The following ECT2 variants were observed in gnomAD, a reference collection of about 807,000 sequenced individuals.
ECT2 encodes protein ECT2.
A neutral mutation model predicts 116.9 loss-of-function variants in ECT2; 61 were observed. The observed-to-expected ratio is 0.52, with a 90% CI of 0.42 to 0.65. The LOEUF (loss-of-function observed/expected upper bound fraction) is 0.65. Among genes scored for constraint, ECT2 ranks in the 30% least tolerant of loss-of-function variants. ECT2 has a pLI of 0.00. For missense variants in ECT2, 937 were observed against 1,078.7 expected, an observed-to-expected ratio of 0.87 and a Z score of 1.84; for synonymous variants, 358 against 346.4, an observed-to-expected ratio of 1.03 and a Z score of -0.37.
chr3:172,775,406 A>G (rs980377731), intron 14 of ECT2, among the ~76,000 whole-genome samples: 1 of 152,170 alleles, frequency 6.6e-6, no homozygotes, highest in African/African-American at 2.4e-5. Context: ...GTGTTTTATC[A>G]GTATTGCTGA....
At chr3:172,828,962 C>T in the ECT2 span, 3 of 1,357,078 alleles carry the variant, frequency 2.2e-6, no homozygotes, top group Non-Finnish European at 3.1e-6. Context: ...TGCCTCAGCA[C>T]CAATAAATTG....
intron 12 of ECT2, 49 bp from the exon 13 acceptor site, chr3:172,768,958 G>T: frequency 6.6e-7 from 1 of 1,509,258 alleles, no homozygotes; most frequent in Non-Finnish European, 8.9e-7. Context: ...ATAATGTTTG[G>T]TATTTATATT....
chr3:172,811,080 A>G (rs779737936), intron 22 of ECT2, among the ~76,000 whole-genome samples: 3 of 152,114 alleles, frequency 2.0e-5, no homozygotes, highest in Non-Finnish European at 4.4e-5. Flanking sequence ...TAAAAATAAA[A>G]ATGAGTTTTG....
chr3:172,786,238 CA>C (rs2108741439), intron 17 of ECT2, among the ~76,000 whole-genome samples: 1 of 152,162 alleles, frequency 6.6e-6, no homozygotes, highest in Non-Finnish European at 1.5e-5. Context: ...AGTCCCCAAG[CA>C]TTACTTGAAG....
At chr3:172,815,741 C>T (rs1432196023) in intron 23 of ECT2, 30 bp downstream of exon 23, 2 of 1,301,306 alleles carry the variant, frequency 1.5e-6, no homozygotes, top group Non-Finnish European at 2.2e-6. Flanking sequence ...TTATTTAGCA[C>T]ATCTCTAACA....
intron 18 of ECT2, among the ~76,000 whole-genome samples, chr3:172,790,773 C>T (rs926482734): frequency 9.8e-5 from 15 of 152,348 alleles, no homozygotes; most frequent in African/African-American, 2.9e-4. Flanking sequence ...TCCATCAGAG[C>T]TCTTGGATGA....
chr3:172,759,325 A>T (rs1028744195), intron 6 of ECT2, among the ~76,000 whole-genome samples: 4 of 152,162 alleles, frequency 2.6e-5, no homozygotes, highest in Non-Finnish European at 1.5e-5. Context: ...TCTTGTTACC[A>T]TATTGGCTAC....
intron 12 of ECT2, among the ~76,000 whole-genome samples, chr3:172,768,071 T>G (rs1180147645): frequency 1.3e-5 from 2 of 152,284 alleles, no homozygotes; most frequent in Non-Finnish European, 2.9e-5. Flanking sequence ...TGAAATACAC[T>G]GTTGCATCCT....
chr3:172,806,937 C>T (rs1449975321), intron 21 of ECT2, among the ~76,000 whole-genome samples: 1 of 152,006 alleles, frequency 6.6e-6, no homozygotes, highest in Admixed American at 6.6e-5. Flanking sequence ...GCCACTGCAC[C>T]CCGCCAAGAA....
At chr3:172,782,274 G>A (rs1279770509) in intron 15 of ECT2, 43 bp downstream of exon 15, 1 of 1,245,140 alleles carries the variant, frequency 8.0e-7, no homozygotes, top group Admixed American at 1.9e-5. Context: ...ATTAAAATAT[G>A]ATCTCATCAA....
intron 18 of ECT2, among the ~76,000 whole-genome samples, chr3:172,788,261 T>G (rs1481641352): frequency 6.6e-6 from 1 of 152,206 alleles, no homozygotes; most frequent in Non-Finnish European, 1.5e-5. Context: ...GTCCTTGCCA[T>G]TTAAGCAAAC....
chr3:172,802,229 C>T (rs1000248980), intron 18 of ECT2, among the ~76,000 whole-genome samples: 1 of 152,050 alleles, frequency 6.6e-6, no homozygotes, highest in Non-Finnish European at 1.5e-5. Flanking sequence ...ATTCTCCTGC[C>T]TCAGCCGCCG....
At chr3:172,785,703 C>A (rs1448010040) in intron 17 of ECT2, among the ~76,000 whole-genome samples, 3 of 152,036 alleles carry the variant, frequency 2.0e-5, no homozygotes, top group Non-Finnish European at 4.4e-5. Flanking sequence ...AACTAAAAAT[C>A]TGACAATTTT....
intron 17 of ECT2, among the ~76,000 whole-genome samples, chr3:172,785,880 G>GT (rs1723519907): frequency 6.6e-6 from 1 of 152,104 alleles, no homozygotes. Context: ...CTTCATTATT[G>GT]TTTAAGTACT....
chr3:172,827,547 C>T, the ECT2 span, among the ~76,000 whole-genome samples: 1 of 152,144 alleles, frequency 6.6e-6, no homozygotes, highest in Non-Finnish European at 1.5e-5. Flanking sequence ...ATTGCATGTT[C>T]TCACTCATAT....
chr3:172,817,807 T>C (rs550991960), intron 24 of ECT2, among the ~76,000 whole-genome samples: 5 of 152,208 alleles, frequency 3.3e-5, no homozygotes, highest in Admixed American at 2.6e-4. Flanking sequence ...AAGTTTCTTA[T>C]TCTCTCAACT....
chr3:172,762,647 A>G (rs763067010), intron 9 of ECT2, 44 bp from the exon 10 acceptor site: 35 of 1,583,796 alleles, frequency 2.2e-5, no homozygotes, highest in Non-Finnish European at 2.9e-5. Flanking sequence ...GAGTTTGGAA[A>G]TAAGTAGCTT....
intron 2 of ECT2, 65 bp from the exon 3 acceptor site, chr3:172,755,230 G>A (rs1716718427): frequency 3.9e-6 from 5 of 1,276,100 alleles, no homozygotes; most frequent in African/African-American, 1.6e-5. Context: ...CCAAAAGAGC[G>A]ATAAGGACCT....
chr3:172,802,801 A>G (rs1406120644), intron 19 of ECT2, 60 bp from the exon 20 acceptor site: 9 of 1,556,920 alleles, frequency 5.8e-6, no homozygotes, highest in Non-Finnish European at 5.2e-6. Flanking sequence ...TTAAATTACA[A>G]CTTCTTAAAA....
Sources: gnomAD v4.1 joint callset for allele counts (sites outside exome capture counted in the v4.1 genomes callset) on GRCh38, gnomAD v4.1.1 for gene constraint, MANE v1.5 for transcripts, NCBI Gene and HGNC (gene_info 2026-07-23, HGNC 2026-07-21) for gene names.